The following LIMK2 variants were observed in gnomAD, a reference collection of about 807,000 sequenced individuals.
LIMK2 encodes LIM domain kinase 2.
LIMK2 carries 35 observed loss-of-function variants against 75.7 expected under a neutral mutation model. The ratio of observed to expected loss-of-function variants is 0.46; its 90% confidence interval spans 0.35 to 0.61. The LOEUF is 0.61. LIMK2 is among the 20% of genes least tolerant of loss of function. The pLI, the probability that LIMK2 is intolerant of heterozygous loss-of-function variation, is 0.00. For synonymous variants in LIMK2, 301 were observed against 319.2 expected (o/e 0.94, Z 0.61); for missense variants, 623 against 831.0 (o/e 0.75, Z 3.08).
rs111252451 is a variant in LIMK2 at position 31,262,403 on chromosome 22, G to A, written c.657+164G>A. On this transcript the variant is annotated intron_variant, in intron 6 of 15. Transcript: ENST00000331728. The surrounding 1 kb of genome is among the most constrained non-coding windows in gnomAD (Gnocchi z 5.0). ...TATTTCAGCGTAACAGGTTCCCAGG[G>A]TAGCAGGGATGGTTGATGGACGGGA... is the stretch of plus-strand genomic sequence containing the variant. Among the ~76,000 whole-genome samples, 2 of 152,146 alleles carry A rather than the reference G, an allele frequency of 1.3e-5. No homozygotes were observed. Among genetic ancestry groups the A allele is most frequent in the East Asian group, 1.9e-4 (1 of 5,190 alleles).
At chr22:31,213,949 G>T (rs1259453324) in intron 1 of LIMK2, among the ~76,000 whole-genome samples, 1 of 151,852 alleles carries the variant, frequency 6.6e-6, no homozygotes, top group Non-Finnish European at 1.5e-5. Flanking sequence ...CCGAGTAGCT[G>T]GGACAACAGG....
chr22:31,240,592 T>A (rs1286531388), intron 2 of LIMK2, among the ~76,000 whole-genome samples: 1 of 151,948 alleles, frequency 6.6e-6, no homozygotes, highest in African/African-American at 2.4e-5. Context: ...CCTGGCTAAT[T>A]TTATGTGTTT....
chr22:31,215,815 A>G (rs1267750426), intron 1 of LIMK2, among the ~76,000 whole-genome samples: 1 of 152,258 alleles, frequency 6.6e-6, no homozygotes, highest in East Asian at 1.9e-4. Context: ...TCTTAAAAAA[A>G]AGAAAAAAAT....
At chr22:31,274,597 C>T (rs1427883188) in intron 14 of LIMK2, among the ~76,000 whole-genome samples, 11 of 152,206 alleles carry the variant, frequency 7.2e-5, no homozygotes, top group African/African-American at 4.8e-5. Flanking sequence ...GACAGGGTTT[C>T]GCCATATTGG....
At chr22:31,214,678 G>T (rs1205123697) in intron 1 of LIMK2, among the ~76,000 whole-genome samples, 1 of 151,720 alleles carries the variant, frequency 6.6e-6, no homozygotes, top group Non-Finnish European at 1.5e-5. Context: ...AAGTTAGCCT[G>T]GCAAAAAAAG....
intron 11 of LIMK2, among the ~76,000 whole-genome samples, chr22:31,269,294 T>C (rs1476623378): frequency 6.9e-6 from 1 of 145,276 alleles, no homozygotes; most frequent in Admixed American, 6.9e-5. Flanking sequence ...TTCTTTTTTT[T>C]TTTTTTTTTT....
chr22:31,254,450 T>G (rs2048756919), intron 2 of LIMK2, among the ~76,000 whole-genome samples: 1 of 152,230 alleles, frequency 6.6e-6, no homozygotes, highest in Non-Finnish European at 1.5e-5. Flanking sequence ...GAAATATTTG[T>G]TAAGGCTTTG....
Position 31,237,426 on chromosome 22 carries a change from C to T in LIMK2, c.116+11607C>T, listed in dbSNP as rs548920914. Among the ~76,000 whole-genome samples, 7 of 145,546 alleles carry T rather than the reference C, an allele frequency of 4.8e-5. No individual in the cohort carries two copies. The East Asian group carries it at 1.2e-3, about 26-fold the overall frequency. On this transcript the variant is annotated intron_variant, in intron 2 of 15. Coordinates refer to ENST00000331728, the MANE Select transcript of LIMK2 (RefSeq NM_005569.4). ...TAAAATTACAAAAATTAGCCAGGCA[C>T]GATGGCAGGCACCTGTAATCCCAGC...
intron 9 of LIMK2, 146 bp from the exon 10 acceptor site, chr22:31,267,630 C>T (rs2048909236): frequency 3.6e-6 from 3 of 841,208 alleles, no homozygotes; most frequent in East Asian, 2.7e-5. Flanking sequence ...CTTCCCTCAT[C>T]CTGATCTTAG....
rs753293527 is a variant in LIMK2 at position 31,262,563 on chromosome 22, C to G, written c.658-32C>G. On this transcript the variant is annotated intron_variant, in intron 6 of 15. Coordinates refer to ENST00000331728, the MANE Select transcript of LIMK2 (RefSeq NM_005569.4). The surrounding 1 kb of genome is among the most constrained non-coding windows in gnomAD (Gnocchi z 5.0). ...CATGGGTGGCCTGGGATGGGGCAGC[C>G]TGTGGGAGCTTTATACTGCTCTTGG... The G allele has an allele frequency of 5.7e-6, 9 of 1,582,572 alleles. No homozygotes were observed. The South Asian group carries it at 1.0e-4, about 18-fold the overall frequency.
chr22:31,233,341 TTTA>T (rs1431978520), intron 2 of LIMK2, among the ~76,000 whole-genome samples: 2 of 152,222 alleles, frequency 1.3e-5, no homozygotes, highest in Non-Finnish European at 2.9e-5. Context: ...GATGTTAGCA[TTTA>T]TTATTAGTAT....
chr22:31,269,908 A>G (rs1453085767), intron 11 of LIMK2, among the ~76,000 whole-genome samples: 5 of 151,170 alleles, frequency 3.3e-5, no homozygotes, highest in Admixed American at 1.3e-4. Context: ...CTGTGGGGAC[A>G]GGAGCCTGGG....
At chr22:31,244,543 G>A (rs764303160) in intron 2 of LIMK2, among the ~76,000 whole-genome samples, 2 of 151,884 alleles carry the variant, frequency 1.3e-5, no homozygotes, top group Non-Finnish European at 1.5e-5. Flanking sequence ...GTGTCCCCTC[G>A]GCTAGGATCC....
At position 31,249,405 on chromosome 22, in the gene LIMK2, C is replaced by G. The variant is rs550861528; in HGVS notation, c.117-8886C>G. On this transcript the variant is annotated intron_variant, in intron 2 of 15. Transcript: ENST00000331728. ...GTGTTCCTGAGCTGCTGGGCCAGCC[C>G]CCACACCTCCTCAGTCCCTAGGCCT... Among the ~76,000 whole-genome samples, 5 of 152,262 alleles carry G rather than the reference C, an allele frequency of 3.3e-5. No homozygotes were observed. In the East Asian group the frequency reaches 9.7e-4, roughly 29 times the overall value.
At chr22:31,212,681 G>A (rs1437987988) in intron 1 of LIMK2, among the ~76,000 whole-genome samples, 1 of 152,138 alleles carries the variant, frequency 6.6e-6, no homozygotes, top group African/African-American at 2.4e-5. Flanking sequence ...GGCTTCCCGC[G>A]AGTTGAGGTC....
intron 2 of LIMK2, among the ~76,000 whole-genome samples, chr22:31,235,171 C>T (rs1471025024): frequency 6.6e-6 from 1 of 152,046 alleles, no homozygotes; most frequent in African/African-American, 2.4e-5. Context: ...CAGCACTGAG[C>T]ATATTGTTGG....
At chr22:31,243,173 C>A (rs2048637700) in intron 2 of LIMK2, among the ~76,000 whole-genome samples, 1 of 152,212 alleles carries the variant, frequency 6.6e-6, no homozygotes, top group Admixed American at 6.5e-5. Flanking sequence ...CTGCCTGCCT[C>A]AGCCTCCCAA....
chr22:31,260,613 T>G (rs1236428980), intron 5 of LIMK2, among the ~76,000 whole-genome samples: 1 of 152,224 alleles, frequency 6.6e-6, no homozygotes. Flanking sequence ...CTAATACCAG[T>G]AATGTCGTAC....
chr22:31,249,208 A>G (rs573256838), intron 2 of LIMK2, among the ~76,000 whole-genome samples: 1 of 152,354 alleles, frequency 6.6e-6, no homozygotes, highest in East Asian at 1.9e-4. Flanking sequence ...GAAACTGGCA[A>G]GTCCTGGGTG....
Sources: allele counts gnomAD v4.1 joint callset (sites outside exome capture counted in the v4.1 genomes callset), GRCh38; gene constraint gnomAD v4.1.1; non-coding constraint Gnocchi (gnomAD v3.1); transcripts MANE v1.5; gene names NCBI Gene and HGNC (gene_info 2026-07-23, HGNC 2026-07-21).